Variants in NEK7 observed in about 807,000 individuals in gnomAD.
The protein encoded by NEK7 is serine/threonine-protein kinase Nek7.
A neutral mutation model predicts 44.6 loss-of-function variants in NEK7; 18 were observed. The observed-to-expected ratio is 0.40, with a 90% CI of 0.28 to 0.60. NEK7 has a LOEUF of 0.60. Among genes scored for constraint, NEK7 ranks in the 20% least tolerant of loss-of-function variants. The pLI, the probability that NEK7 is intolerant of heterozygous loss-of-function variation, is 0.38. For missense variants in NEK7, 256 were observed against 366.5 expected, an observed-to-expected ratio of 0.70 and a Z score of 2.46; for synonymous variants, 130 against 121.1, an observed-to-expected ratio of 1.07 and a Z score of -0.48.
At chr1:198,288,911 A>C (rs577374872) in intron 7 of NEK7, among the ~76,000 whole-genome samples, 1 of 152,294 alleles carries the variant, frequency 6.6e-6, no homozygotes, top group South Asian at 2.1e-4. Flanking sequence ...AAAGCTCTTA[A>C]ATGTTATCGG....
At chr1:198,246,642 G>A (rs1010123707) in intron 2 of NEK7, among the ~76,000 whole-genome samples, 1 of 152,252 alleles carries the variant, frequency 6.6e-6, no homozygotes, top group Non-Finnish European at 1.5e-5. Context: ...ATATGTAAAT[G>A]TGTGATTACA....
intron 1 of NEK7, among the ~76,000 whole-genome samples, chr1:198,168,541 A>G (rs968697560): frequency 3.9e-5 from 6 of 152,212 alleles, no homozygotes; most frequent in African/African-American, 1.2e-4. Context: ...GACTTGGTGT[A>G]AAGTCAGTTT....
chr1:198,259,815 A>G (rs1653395601), intron 3 of NEK7, among the ~76,000 whole-genome samples: 1 of 152,088 alleles, frequency 6.6e-6, no homozygotes, highest in Non-Finnish European at 1.5e-5. Context: ...ACACACTCAC[A>G]CACACACACA....
At chr1:198,167,788 A>G (rs1487591682) in intron 1 of NEK7, among the ~76,000 whole-genome samples, 1 of 152,134 alleles carries the variant, frequency 6.6e-6, no homozygotes, top group Non-Finnish European at 1.5e-5. Context: ...TCTGTCTTGC[A>G]TGTCTGGCCA....
intron 2 of NEK7, among the ~76,000 whole-genome samples, chr1:198,243,343 C>T (rs1033746356): frequency 1.3e-5 from 2 of 152,016 alleles, no homozygotes; most frequent in Admixed American, 1.3e-4. Context: ...TGTGCTATAT[C>T]CTCCCCCAGT....
chr1:198,214,822 C>A (rs1211772950), intron 1 of NEK7, among the ~76,000 whole-genome samples: 1 of 151,948 alleles, frequency 6.6e-6, no homozygotes, highest in Admixed American at 6.6e-5. Context: ...TACAAGAAGC[C>A]CAAAGAACTC....
chr1:198,253,107 G>A lies in NEK7; in HGVS notation c.125G>A (p.Arg42His), dbSNP rs367681965. The A allele has an allele frequency of 1.2e-5, 20 of 1,611,956 alleles. No homozygotes were observed. The highest frequency in any genetic ancestry group is 8.0e-5 in the African/African-American group (6 of 74,808). Residue 42 changes from arginine (R) to histidine (H), a missense_variant, in exon 3 of 10, where the codon CGC (arginine) becomes CAC (histidine). Physicochemically the swap from Arg to His is conservative, Grantham distance 29. Coordinates refer to ENST00000367385, the MANE Select transcript of NEK7 (RefSeq NM_133494.3). ...TTTCGAATAGAAAAGAAAATTGGTC[G>A]CGGACAATTTAGTGAAGTTTATAGA... ...ANFRIEKKIG[R>H]GQFSEVYRAA...
intron 1 of NEK7, among the ~76,000 whole-genome samples, chr1:198,227,174 C>G (rs573227489): frequency 1.3e-5 from 2 of 152,110 alleles, no homozygotes; most frequent in Admixed American, 6.5e-5. Context: ...CAGCTTCATC[C>G]GTGTCCCTAC....
At chr1:198,298,905 A>T (rs956166310) in intron 9 of NEK7, among the ~76,000 whole-genome samples, 2 of 152,226 alleles carry the variant, frequency 1.3e-5, no homozygotes, top group South Asian at 4.1e-4. Flanking sequence ...GGTTCGTTGA[A>T]GTCGGCCTGC....
At chr1:198,158,087 T>G (rs1663970314) in intron 1 of NEK7, among the ~76,000 whole-genome samples, 1 of 152,148 alleles carries the variant, frequency 6.6e-6, no homozygotes, top group Non-Finnish European at 1.5e-5. Context: ...CCTTCACTCC[T>G]AAAACCGCAG....
intron 3 of NEK7, among the ~76,000 whole-genome samples, chr1:198,255,126 T>C (rs192355538): frequency 1.3e-5 from 2 of 152,212 alleles, no homozygotes; most frequent in African/African-American, 4.8e-5. Flanking sequence ...ATTGGTGGAA[T>C]TGGAACTTAA....
chr1:198,306,236 A>G (rs547211126), intron 9 of NEK7, among the ~76,000 whole-genome samples: 3 of 152,330 alleles, frequency 2.0e-5, no homozygotes, highest in African/African-American at 7.2e-5. Context: ...TGGAACTAGC[A>G]TTTAGTTGAA....
intron 1 of NEK7, among the ~76,000 whole-genome samples, chr1:198,164,266 G>GC (rs1374249202): frequency 1.3e-5 from 2 of 152,176 alleles, no homozygotes; most frequent in African/African-American, 4.8e-5. Context: ...CCAGTACCAG[G>GC]CCCCCAAGGG....
rs144581595 is a variant in NEK7, at chr1:198,291,000, G to A, written c.590-1945G>A. 2.8e-4 allele frequency among the ~76,000 whole-genome samples: 42 copies of A among 152,208 alleles called. No homozygotes were observed. The East Asian group carries it at 7.5e-3, about 27-fold the overall frequency. On this transcript the variant is annotated intron_variant, in intron 7 of 9. Coordinates refer to ENST00000367385, the MANE Select transcript of NEK7 (RefSeq NM_133494.3). ...TTCCTCTGCTCCCTTCACTTGGGTC[G>A]TCCTTGAGTTCAGTTTGTGTTGCAG... is the stretch of plus-strand genomic sequence containing the variant.
rs371735085 is a variant in NEK7 at position 198,206,500 on chromosome 1, C to T, written c.-28-26053C>T. Reference sequence around the variant, plus strand: ...AATAAAAAATATTAATCCTGATTATCTCAACCTTTATTACTTTTTAGTGAT... The same window carrying T: ...AATAAAAAATATTAATCCTGATTATTTCAACCTTTATTACTTTTTAGTGAT... On this transcript the variant is annotated intron_variant, in intron 1 of 9. Coordinates refer to ENST00000367385, the MANE Select transcript of NEK7 (RefSeq NM_133494.3). Among the ~76,000 whole-genome samples, 36 of 152,240 alleles carry T rather than the reference C, an allele frequency of 2.4e-4. 2 individuals are homozygous for T. In the South Asian group the frequency reaches 7.2e-3, roughly 31 times the overall value.
intron 2 of NEK7, among the ~76,000 whole-genome samples, chr1:198,249,282 G>C (rs527368615): frequency 2.1e-5 from 3 of 144,124 alleles, no homozygotes; most frequent in African/African-American, 8.2e-5. Context: ...TCTTAATCCA[G>C]TCTATCATTG....
intron 7 of NEK7, among the ~76,000 whole-genome samples, chr1:198,283,818 T>G (rs571355619): frequency 6.6e-6 from 1 of 152,148 alleles, no homozygotes; most frequent in Non-Finnish European, 1.5e-5. Flanking sequence ...TTCTATGTTA[T>G]TTCACTAGAA....
At position 198,232,623 on chromosome 1, in the gene NEK7, C is replaced by A; in HGVS notation, c.43C>A (p.Gln15Lys). Residue 15 changes from glutamine to lysine, a missense_variant, in exon 2 of 10, where the codon CAG becomes AAG. By Grantham distance (53) the Gln-to-Lys change is moderately conservative. This residue lies in a region of NEK7 where 96 missense variants were observed against 94.9 expected (regional missense o/e 1.01). Coordinates refer to ENST00000367385, the MANE Select transcript of NEK7 (RefSeq NM_133494.3). The part of the protein sequence containing the change: ...SQGMQGPPVP[Q>K]FQPQKALRPD... ...AGGAATGCAAGGGCCACCTGTTCCT[C>A]AGTTCCAACCACAGGTAATTTATCC... 1 of 1,594,420 alleles carries A rather than the reference C, an allele frequency of 6.3e-7. No individual in the cohort carries two copies. The highest frequency in any genetic ancestry group is 8.6e-7 in the Non-Finnish European group (1 of 1,162,392).
intron 1 of NEK7, among the ~76,000 whole-genome samples, chr1:198,188,632 G>A (rs1664984783): frequency 6.6e-6 from 1 of 152,078 alleles, no homozygotes; most frequent in South Asian, 2.1e-4. Flanking sequence ...TTGTAGTTTT[G>A]TCTGCTTCTT....
Sources: allele counts gnomAD v4.1 joint callset (sites outside exome capture counted in the v4.1 genomes callset), GRCh38; gene constraint gnomAD v4.1.1; regional missense constraint gnomAD v4.1.1; transcripts MANE v1.5; gene names NCBI Gene and HGNC (gene_info 2026-07-23, HGNC 2026-07-21).